TSTD2: variants seen among roughly 807,000 people sequenced by gnomAD.
TSTD2 encodes thiosulfate sulfurtransferase/rhodanese-like domain-containing protein 2.
In TSTD2, 37 loss-of-function variants were observed where a neutral mutation model predicts 47.9. That is an observed-to-expected ratio of 0.77 (90% CI 0.59 to 1.02). The LOEUF is 1.02. Among genes scored for constraint, TSTD2 ranks in the 50% least tolerant of loss-of-function variants. TSTD2 has a pLI of 0.00. For synonymous variants in TSTD2, 201 were observed against 215.9 expected, an observed-to-expected ratio of 0.93 and a Z score of 0.61; for missense variants, 586 against 616.0, an observed-to-expected ratio of 0.95 and a Z score of 0.52.
rs75130317 is a variant in TSTD2 at position 97,630,942 on chromosome 9, C to G, written c.-51+2301G>C. Reference sequence around the variant, plus strand: ...TACCCCACTGTGTGTGAATTTTACACTGTGTGTGAAGCCAGCTAGCTTCAG... The same window carrying G: ...TACCCCACTGTGTGTGAATTTTACAGTGTGTGTGAAGCCAGCTAGCTTCAG... On this transcript the variant is annotated intron_variant, in intron 1 of 9. Transcript: ENST00000341170. Among the ~76,000 whole-genome samples, 83 of 152,344 alleles carry G rather than the reference C, an allele frequency of 5.4e-4. 1 individual carries two copies. The East Asian group carries it at 0.012, about 22-fold the overall frequency.
intron 2 of TSTD2, 57 bp downstream of exon 2, chr9:97,627,340 CA>C: frequency 6.6e-7 from 1 of 1,504,036 alleles, no homozygotes; most frequent in Non-Finnish European, 8.9e-7. Flanking sequence ...AACCGACTTC[CA>C]AATGTATCTG....
intron 6 of TSTD2, 38 bp from the exon 7 acceptor site, chr9:97,606,299 C>CA (rs759447379): frequency 4.6e-5 from 61 of 1,321,720 alleles, no homozygotes; most frequent in Admixed American, 6.3e-5. Flanking sequence ...AAAACAAAGA[C>CA]AAAAAAACCA....
At chr9:97,612,980 T>C (rs1826482113) in intron 4 of TSTD2, among the ~76,000 whole-genome samples, 1 of 152,224 alleles carries the variant, frequency 6.6e-6, no homozygotes, top group South Asian at 2.1e-4. Flanking sequence ...GGAGCTACAA[T>C]AGTCCAACAG....
chr9:97,624,769 G>C (rs940642794), intron 3 of TSTD2, among the ~76,000 whole-genome samples: 3 of 151,796 alleles, frequency 2.0e-5, no homozygotes, highest in Admixed American at 1.3e-4. Context: ...ATCAAAGAAA[G>C]TTTAGATGCT....
At chr9:97,610,312 G>A (rs1325053312) in intron 6 of TSTD2, 34 bp downstream of exon 6, 1 of 1,571,912 alleles carries the variant, frequency 6.4e-7, no homozygotes, top group South Asian at 1.1e-5. Flanking sequence ...TTGTCCCTGT[G>A]AATTAAAGCA....
intron 4 of TSTD2, among the ~76,000 whole-genome samples, chr9:97,614,455 G>A (rs553308126): frequency 1.3e-5 from 2 of 151,740 alleles, no homozygotes; most frequent in African/African-American, 4.9e-5. Flanking sequence ...TTCCAGCACT[G>A]AGAATACATC....
At chr9:97,610,513 G>A in intron 5 of TSTD2, 62 bp from the exon 6 acceptor site, 1 of 1,240,626 alleles carries the variant, frequency 8.1e-7, no homozygotes, top group Non-Finnish European at 1.1e-6. Context: ...TATAAGACAA[G>A]TGCCAATATA....
chr9:97,617,945 A>C, intron 3 of TSTD2, 68 bp from the exon 4 acceptor site: 1 of 1,564,024 alleles, frequency 6.4e-7, no homozygotes, highest in Non-Finnish European at 8.7e-7. Context: ...AATTCATAAA[A>C]TACACCCAGG....
intron 1 of TSTD2, among the ~76,000 whole-genome samples, chr9:97,632,819 G>C (rs1351745909): frequency 6.6e-6 from 1 of 152,158 alleles, no homozygotes; most frequent in African/African-American, 2.4e-5. Context: ...CTAAATTTTT[G>C]GATTAAGCGG....
At position 97,600,204 on chromosome 9, in the gene TSTD2, T is replaced by A. The variant is rs1826221947; in HGVS notation, c.*2265A>T. Reference sequence around the variant, plus strand: ...AAAACCTCGATTAAAGTTGCCAAATTGATTACTGGATCCAGAACACAATTT... The same window carrying A: ...AAAACCTCGATTAAAGTTGCCAAATAGATTACTGGATCCAGAACACAATTT... On this transcript the variant is annotated 3_prime_UTR_variant, in exon 10 of 10. Transcript: ENST00000341170. 1.0e-6 allele frequency: 1 copy of A among 995,378 alleles called. No individual in the cohort carries two copies. The allele number at this position is 995,378 out of a possible 1,614,324, so 61.7% of individuals were successfully genotyped here.
In TSTD2 at chr9:97,610,402, A is replaced by G; in HGVS notation, c.779T>C (p.Phe260Ser). 1 of 1,598,884 alleles carries G rather than the reference A, an allele frequency of 6.3e-7. No individual in the cohort carries two copies. Among genetic ancestry groups the G allele is most frequent in the Non-Finnish European group, 8.5e-7 (1 of 1,173,718 alleles). ...GATCCCCATGGGCACGATTTCTTCAAATACACCAACACGCAATTCTGGAAA... is the reference window on the plus strand; with the variant it reads ...GATCCCCATGGGCACGATTTCTTCAGATACACCAACACGCAATTCTGGAAA... ...HCFPELRVGV[F>S]EEIVPMGISP... The change falls in exon 6 of 10, where the codon TTT becomes TCT. Residue 260 changes from phenylalanine (F) to serine (S), a missense_variant. Coordinates refer to ENST00000341170, the MANE Select transcript of TSTD2 (RefSeq NM_139246.5).
At chr9:97,621,598 T>C (rs1441538900) in intron 3 of TSTD2, among the ~76,000 whole-genome samples, 1 of 152,176 alleles carries the variant, frequency 6.6e-6, no homozygotes, top group African/African-American at 2.4e-5. Context: ...GGACGGACAC[T>C]CTGGGGGTGT....
rs1375780284 is a variant in TSTD2, at chr9:97,617,754, T to C, written c.603+3A>G. Reference sequence around the variant, plus strand: ...AAGGAAGGAATATAGGAGAAGGTGTTACCTTGCCTGTGAGGTGCAGGTGCT... The same window carrying C: ...AAGGAAGGAATATAGGAGAAGGTGTCACCTTGCCTGTGAGGTGCAGGTGCT... On this transcript the variant is annotated splice_donor_region_variant and intron_variant, in intron 4 of 9. Transcript: ENST00000341170. 1.9e-6 allele frequency: 3 copies of C among 1,612,632 alleles called. No individual in the cohort carries two copies. The highest frequency in any genetic ancestry group is 2.5e-6 in the Non-Finnish European group (3 of 1,179,540).
chr9:97,603,669 C>G (rs1382941842), intron 9 of TSTD2, among the ~76,000 whole-genome samples: 1 of 152,136 alleles, frequency 6.6e-6, no homozygotes, highest in Non-Finnish European at 1.5e-5. Context: ...TACGGATTTA[C>G]TTGGTAGTCT....
At chr9:97,615,041 C>G (rs1826522314) in intron 4 of TSTD2, among the ~76,000 whole-genome samples, 1 of 152,184 alleles carries the variant, frequency 6.6e-6, no homozygotes, top group Admixed American at 6.5e-5. Context: ...GTATGTATGT[C>G]TAAGTACCTC....
chr9:97,606,341 AC>A lies in TSTD2; in HGVS notation c.836-81del. 3.9e-6 allele frequency: 3 copies of A among 777,606 alleles called. No homozygotes were observed. The South Asian group carries it at 5.1e-5, about 13-fold the overall frequency. The allele number at this position is 777,606 out of a possible 1,614,324, so 48.2% of individuals were successfully genotyped here. A position where few individuals can be genotyped will look rare whatever the true frequency, so the allele number is the denominator to read the frequency against. On this transcript the variant is annotated intron_variant, in intron 6 of 9. Transcript: ENST00000341170. ...AATCATGACTCACCCAGCCTGACTT[AC>A]GTGTTGCTTTGTTTCTTTCCACCCA...
chr9:97,622,729 C>T (rs1031917389), intron 3 of TSTD2, among the ~76,000 whole-genome samples: 9 of 152,244 alleles, frequency 5.9e-5, no homozygotes, highest in African/African-American at 1.7e-4. Context: ...ATGTGAGACA[C>T]GGAGTCAAAG....
intron 3 of TSTD2, among the ~76,000 whole-genome samples, chr9:97,622,385 G>T (rs1347919134): frequency 6.6e-6 from 1 of 152,252 alleles, no homozygotes. Flanking sequence ...GAGGATGTAT[G>T]GAAACACCTG....
chr9:97,617,921 C>G, intron 3 of TSTD2, 44 bp from the exon 4 acceptor site: 1 of 1,588,640 alleles, frequency 6.3e-7, no homozygotes. Flanking sequence ...GAGTCGCTGG[C>G]ATAAAGAAGT....
Sources: allele counts gnomAD v4.1 joint callset (sites outside exome capture counted in the v4.1 genomes callset), GRCh38; gene constraint gnomAD v4.1.1; transcripts MANE v1.5; gene names NCBI Gene and HGNC (gene_info 2026-07-23, HGNC 2026-07-21).